PPA1: variants seen among roughly 807,000 people sequenced by gnomAD.
The protein encoded by PPA1 is inorganic pyrophosphatase 1, also known as inorganic pyrophosphatase.
PPA1 carries 23 observed loss-of-function variants against 41.8 expected under a neutral mutation model. The ratio of observed to expected loss-of-function variants is 0.55; its 90% CI spans 0.40 to 0.78. The LOEUF is 0.78. Among genes scored for constraint, PPA1 ranks in the 30% least tolerant of loss-of-function variants. The pLI is 0.00. For missense variants in PPA1, 320 were observed against 361.6 expected (o/e 0.89, Z 0.93); for synonymous variants, 101 against 116.8 (o/e 0.86, Z 0.87).
At chr10:70,228,758 C>G (rs184880583) in intron 2 of PPA1, among the ~76,000 whole-genome samples, 5 of 152,192 alleles carry the variant, frequency 3.3e-5, no homozygotes, top group Admixed American at 3.3e-4. Context: ...GAGTCTTACC[C>G]AGGAAGGCTC....
chr10:70,204,837 A>G (rs1438444643), intron 10 of PPA1, 36 bp downstream of exon 10: 8 of 1,513,166 alleles, frequency 5.3e-6, no homozygotes, highest in Non-Finnish European at 7.2e-6. Flanking sequence ...TAACTGTGTA[A>G]TGTTTAATGA....
In PPA1 at chr10:70,230,379, T is replaced by TA. The variant is rs776419638; in HGVS notation, c.84dup (p.Ile29TyrfsTer6). 1 of 1,612,000 alleles carries TA rather than the reference T, an allele frequency of 6.2e-7. No homozygotes were observed. Among genetic ancestry groups the TA allele is most frequent in the Admixed American group, 1.7e-5 (1 of 59,732 alleles). ...ATTGGAATATCATGAAATGGAGATATATATTGTCCTTTCTCATTTTCTGCA... is the reference window on the plus strand; with the variant it reads ...ATTGGAATATCATGAAATGGAGATATAATATTGTCCTTTCTCATTTTCTGCA... On this transcript the variant is annotated frameshift_variant, in exon 2 of 11. Coordinates refer to ENST00000373232, the MANE Select transcript of PPA1 (RefSeq NM_021129.4). LOFTEE classifies it high-confidence loss of function.
chr10:70,209,784 C>A (rs1041313959), intron 6 of PPA1, 99 bp from the exon 7 acceptor site: 17 of 1,349,282 alleles, frequency 1.3e-5, no homozygotes, highest in Non-Finnish European at 1.0e-5. Context: ...ATTATACACT[C>A]AACAAAAATT....
At chr10:70,208,385 T>C (rs9415955) in intron 8 of PPA1, among the ~76,000 whole-genome samples, 110,681 of 151,836 alleles carry the variant, frequency 0.73, 40,949 homozygotes, top group Non-Finnish European at 0.79. Flanking sequence ...GGTGCCCCAG[T>C]TGGAGTGCAG....
chr10:70,233,179 C>A, intron 1 of PPA1, 85 bp downstream of exon 1: 1 of 1,422,742 alleles, frequency 7.0e-7, no homozygotes, highest in African/African-American at 1.5e-5. Flanking sequence ...TGGGGCCGAG[C>A]GCGGGCCGCA....
intron 2 of PPA1, among the ~76,000 whole-genome samples, chr10:70,221,077 T>TATAA (rs1491245702): frequency 6.0e-4 from 6 of 9,972 alleles, no homozygotes; most frequent in African/African-American, 1.6e-3. Flanking sequence ...TATATATATA[T>TATAA]TTTTTTTTTT....
At chr10:70,233,041 A>G (rs1003796320) in intron 1 of PPA1, among the ~76,000 whole-genome samples, 14 of 152,150 alleles carry the variant, frequency 9.2e-5, no homozygotes, top group Non-Finnish European at 7.4e-5. Flanking sequence ...CAAAGGGACC[A>G]TCTCCGTTCA....
At chr10:70,204,732 C>A in intron 10 of PPA1, 141 bp downstream of exon 10, 1 of 613,562 alleles carries the variant, frequency 1.6e-6, no homozygotes, top group Non-Finnish European at 2.7e-6. Flanking sequence ...TTAATCATTC[C>A]ACATTGTAAA....
Position 70,220,952 on chromosome 10 carries a change from TATA to T in PPA1, c.124-2138_124-2136del, listed in dbSNP as rs1212225018. Among the ~76,000 whole-genome samples, 52 of 21,240 alleles carry T rather than the reference TATA, an allele frequency of 2.4e-3. 2 individuals are homozygous for T. Among genetic ancestry groups the T allele is most frequent in the Non-Finnish European group, 3.6e-3 (41 of 11,316 alleles). 13.9% of individuals were successfully genotyped at this position (21,240 alleles called of 152,430 possible). On this transcript the variant is annotated intron_variant, in intron 2 of 10. Coordinates refer to ENST00000373232, the MANE Select transcript of PPA1 (RefSeq NM_021129.4). Reference sequence around the variant, plus strand: ...ATATATACTATATATATAATTTATATATAATATATATAATTTTTATATATATAC... The same window carrying T: ...ATATATACTATATATATAATTTATATATATATATAATTTTTATATATATAC...
intron 2 of PPA1, among the ~76,000 whole-genome samples, chr10:70,222,366 A>G (rs988091855): frequency 6.7e-6 from 1 of 148,936 alleles, no homozygotes; most frequent in Non-Finnish European, 1.5e-5. Flanking sequence ...AAAAGAAATT[A>G]GCTGGGCGAA....
At position 70,206,248 on chromosome 10, in the gene PPA1, G is replaced by T; in HGVS notation, c.795+16C>A. 6.3e-7 allele frequency: 1 copy of T among 1,589,616 alleles called. No individual in the cohort carries two copies. Among genetic ancestry groups the T allele is most frequent in the Admixed American group, 1.7e-5 (1 of 57,404 alleles). ...GCAACCAGGCTTGTTTTTTTTTTAA[G>T]GAAACTTTTACATACAGCATCCACA... On this transcript the variant is annotated intron_variant, in intron 9 of 10. Coordinates refer to ENST00000373232, the MANE Select transcript of PPA1 (RefSeq NM_021129.4).
In PPA1 at chr10:70,210,406, A is replaced by C. The variant is rs779238389; in HGVS notation, c.512-721T>G. 5 of 1,365,266 alleles carry C rather than the reference A, an allele frequency of 3.7e-6. No homozygotes were observed. In the Admixed American group the frequency reaches 9.5e-5, roughly 26 times the overall value. The allele number at this position is 1,365,266 out of a possible 1,614,324, so 84.6% of individuals were successfully genotyped here. On this transcript the variant is annotated intron_variant, in intron 6 of 10. Coordinates refer to ENST00000373232, the MANE Select transcript of PPA1 (RefSeq NM_021129.4). ...GGCAGAGGCTATGTCAGAGGATCAC[A>C]ACACTATTACATACTAAAAGATAAG... is the stretch of plus-strand genomic sequence containing the variant.
intron 2 of PPA1, among the ~76,000 whole-genome samples, chr10:70,228,977 G>C: frequency 6.6e-6 from 1 of 152,154 alleles, no homozygotes. Flanking sequence ...GCTAAAGAAA[G>C]TCAATAACCT....
chr10:70,209,425 GAATA>G (rs1161047968), intron 7 of PPA1, 129 bp downstream of exon 7: 9 of 1,318,918 alleles, frequency 6.8e-6, no homozygotes, highest in Admixed American at 2.5e-5. Flanking sequence ...ATATTAAAGT[GAATA>G]AATAAACACC....
intron 2 of PPA1, among the ~76,000 whole-genome samples, chr10:70,229,784 T>C (rs1042380813): frequency 6.6e-6 from 1 of 152,212 alleles, no homozygotes; most frequent in African/African-American, 2.4e-5. Flanking sequence ...AGGACCAATG[T>C]AATTTTTTCT....
At chr10:70,209,726 T>C in intron 6 of PPA1, 41 bp from the exon 7 acceptor site, 1 of 1,537,224 alleles carries the variant, frequency 6.5e-7, no homozygotes, top group Non-Finnish European at 8.8e-7. Context: ...GAGAATGATT[T>C]TTTTAAAAAG....
chr10:70,208,395 G>C (rs12219092), intron 8 of PPA1, among the ~76,000 whole-genome samples: 1 of 151,898 alleles, frequency 6.6e-6, no homozygotes, highest in African/African-American at 2.4e-5. Context: ...TTGGAGTGCA[G>C]TGGGGCAATC....
intron 8 of PPA1, among the ~76,000 whole-genome samples, chr10:70,208,817 G>T (rs1233433047): frequency 1.4e-5 from 2 of 141,382 alleles, no homozygotes; most frequent in Non-Finnish European, 3.0e-5. Context: ...TTTTGAGACC[G>T]AGTCTCGCTC....
intron 8 of PPA1, among the ~76,000 whole-genome samples, chr10:70,208,654 C>T (rs2136753230): frequency 6.6e-6 from 1 of 152,160 alleles, no homozygotes; most frequent in Non-Finnish European, 1.5e-5. Context: ...TAGGACTGTA[C>T]ATTTTTACAC....
Sources: gnomAD v4.1 joint callset for allele counts (sites outside exome capture counted in the v4.1 genomes callset) on GRCh38, gnomAD v4.1.1 for gene constraint, MANE v1.5 for transcripts, NCBI Gene and HGNC (gene_info 2026-07-23, HGNC 2026-07-21) for gene names.